The following ZMYND11 variants were observed in gnomAD, a reference collection of about 807,000 sequenced individuals.
The protein encoded by ZMYND11 is zinc finger MYND domain-containing protein 11.
ZMYND11 carries 9 observed loss-of-function variants against 84.9 expected under a neutral mutation model. That is an observed-to-expected ratio of 0.11 (90% CI 0.06 to 0.18). The LOEUF (loss-of-function observed/expected upper bound fraction) is 0.18, where lower values mean the gene tolerates loss of function less well. Among genes scored for constraint, ZMYND11 ranks in the 10% least tolerant of loss-of-function variants. The pLI, the probability that ZMYND11 is intolerant of heterozygous loss-of-function variation, is 1.00. For synonymous variants in ZMYND11, 250 were observed against 244.1 expected, an observed-to-expected ratio of 1.02 and a Z score of -0.23; for missense variants, 409 against 761.0, an observed-to-expected ratio of 0.54 and a Z score of 5.44.
At chr10:166,939 G>T (rs982296639) in intron 1 of ZMYND11, among the ~76,000 whole-genome samples, 1 of 152,116 alleles carries the variant, frequency 6.6e-6, no homozygotes, top group African/African-American at 2.4e-5. Flanking sequence ...GTACTGGCAC[G>T]TGCAACAAAA....
At chr10:194,344 C>T (rs552766410) in intron 2 of ZMYND11, among the ~76,000 whole-genome samples, 1 of 152,200 alleles carries the variant, frequency 6.6e-6, no homozygotes, top group Non-Finnish European at 1.5e-5. Flanking sequence ...GTGTGAGCCA[C>T]CACGCCTGGC....
At chr10:139,865 C>G (rs984567276) in intron 1 of ZMYND11, among the ~76,000 whole-genome samples, 1 of 152,026 alleles carries the variant, frequency 6.6e-6, no homozygotes, top group Admixed American at 6.6e-5. Flanking sequence ...GCAGGAGCCA[C>G]CACGCCTGGC....
chr10:160,243 A>C (rs1042415213), intron 1 of ZMYND11, among the ~76,000 whole-genome samples: 1 of 152,252 alleles, frequency 6.6e-6, no homozygotes. Flanking sequence ...GATAAAAGTT[A>C]TGTTTACACT....
At chr10:221,421 A>G in intron 4 of ZMYND11, 65 bp downstream of exon 4, 2 of 1,529,770 alleles carry the variant, frequency 1.3e-6, no homozygotes, top group Admixed American at 3.8e-5. Flanking sequence ...TAGCTTCAAA[A>G]AGATATCCCA....
intron 14 of ZMYND11, among the ~76,000 whole-genome samples, chr10:249,970 C>G (rs538216694): frequency 6.0e-4 from 91 of 152,130 alleles, no homozygotes; most frequent in African/African-American, 2.2e-3. Flanking sequence ...AACAAAAGAC[C>G]AGGAGATCTG....
intron 2 of ZMYND11, among the ~76,000 whole-genome samples, chr10:207,120 A>G (rs1944333578): frequency 6.6e-6 from 1 of 152,140 alleles, no homozygotes; most frequent in African/African-American, 2.4e-5. Flanking sequence ...TAGTTTACTG[A>G]GAATGATGAT....
At chr10:158,989 T>G (rs1354628678) in intron 1 of ZMYND11, among the ~76,000 whole-genome samples, 3 of 133,352 alleles carry the variant, frequency 2.2e-5, no homozygotes, top group Non-Finnish European at 4.9e-5. Context: ...TTTTTGTTTT[T>G]TGTTTTTTTT....
intron 1 of ZMYND11, among the ~76,000 whole-genome samples, chr10:175,630 G>A (rs1363750260): frequency 6.6e-6 from 1 of 152,134 alleles, no homozygotes; most frequent in Middle Eastern, 3.2e-3. Flanking sequence ...TCTGATTTGA[G>A]TGTAGAAGGA....
At chr10:229,703 T>G (rs560904984) in intron 4 of ZMYND11, among the ~76,000 whole-genome samples, 1 of 152,158 alleles carries the variant, frequency 6.6e-6, no homozygotes, top group Admixed American at 6.5e-5. Context: ...GAAAATAGTT[T>G]TAGAAAATGA....
intron 1 of ZMYND11, among the ~76,000 whole-genome samples, chr10:157,531 A>C (rs10903451): frequency 6.6e-6 from 1 of 151,952 alleles, no homozygotes; most frequent in African/African-American, 2.4e-5. Context: ...AAAAATTAAC[A>C]GTAATGACAA....
intron 2 of ZMYND11, among the ~76,000 whole-genome samples, chr10:204,519 A>G (rs1943796572): frequency 6.6e-6 from 1 of 152,192 alleles, no homozygotes; most frequent in Non-Finnish European, 1.5e-5. Flanking sequence ...TTAAAAAAGC[A>G]TATCAGCTGA....
chr10:189,462 G>A (rs1314650916), intron 2 of ZMYND11, among the ~76,000 whole-genome samples: 1 of 152,188 alleles, frequency 6.6e-6, no homozygotes, highest in East Asian at 1.9e-4. Flanking sequence ...TACTGTTTAT[G>A]TAATCCCAAG....
At chr10:218,519 T>C (rs1299272770) in intron 3 of ZMYND11, 1 of 365,790 alleles carries the variant, frequency 2.7e-6, no homozygotes, top group Non-Finnish European at 5.6e-6. Flanking sequence ...TTTTGCACTA[T>C]GTTATTTTAC....
At chr10:231,420 G>A (rs895811662) in intron 4 of ZMYND11, among the ~76,000 whole-genome samples, 12 of 151,426 alleles carry the variant, frequency 7.9e-5, no homozygotes, top group African/African-American at 2.7e-4. Flanking sequence ...TCCTGCTTTT[G>A]GATAGTCAGT....
intron 1 of ZMYND11, among the ~76,000 whole-genome samples, chr10:143,353 T>C (rs1554754405): frequency 6.6e-6 from 1 of 152,238 alleles, no homozygotes. Flanking sequence ...TTTTTTAGTT[T>C]TCTCTTGTAG....
chr10:180,196 A>T, intron 2 of ZMYND11, 68 bp downstream of exon 2: 2 of 1,238,160 alleles, frequency 1.6e-6, no homozygotes, highest in South Asian at 2.7e-5. Context: ...AGGCCAAAAA[A>T]AATTTTATCT....
chr10:189,556 G>T (rs1939756696), intron 2 of ZMYND11, among the ~76,000 whole-genome samples: 1 of 152,038 alleles, frequency 6.6e-6, no homozygotes, highest in Admixed American at 6.6e-5. Flanking sequence ...AACCAGATTG[G>T]CAGGTATACT....
chr10:185,612 G>A (rs1438267045), intron 2 of ZMYND11, among the ~76,000 whole-genome samples: 3 of 151,180 alleles, frequency 2.0e-5, no homozygotes, highest in Non-Finnish European at 3.0e-5. Context: ...TCAGGGGTTC[G>A]AGACCAGCCT....
At chr10:206,637 T>C (rs1364530247) in intron 2 of ZMYND11, among the ~76,000 whole-genome samples, 2 of 152,158 alleles carry the variant, frequency 1.3e-5, no homozygotes, top group African/African-American at 4.8e-5. Context: ...ATATGCTTTT[T>C]CCCATTTGTT....
Sources: allele counts gnomAD v4.1 joint callset (sites outside exome capture counted in the v4.1 genomes callset), GRCh38; gene constraint gnomAD v4.1.1; transcripts MANE v1.5; gene names NCBI Gene and HGNC (gene_info 2026-07-23, HGNC 2026-07-21).